Variants in C17orf67 observed in about 807,000 individuals in gnomAD.
The protein encoded by C17orf67 is uncharacterized protein C17orf67.
C17orf67 carries 12 observed loss-of-function variants against 11.2 expected under a neutral mutation model. That is an observed-to-expected ratio of 1.07 (90% CI 0.68 to 1.73). The LOEUF is 1.73. Among genes scored for constraint, C17orf67 ranks in the 40% most tolerant of loss-of-function variants. The pLI is 0.00. For missense variants in C17orf67, 115 were observed against 113.5 expected (o/e 1.01, Z -0.06); for synonymous variants, 59 against 46.9 (o/e 1.26, Z -1.05).
intron 6 of C17orf67, among the ~76,000 whole-genome samples, chr17:56,808,540 A>G (rs1905512618): frequency 1.3e-5 from 2 of 152,012 alleles, no homozygotes; most frequent in African/African-American, 4.8e-5. Context: ...TCCTTCATCT[A>G]GGTTCCCCGC....
chr17:56,806,114 A>G (rs1905444244), intron 6 of C17orf67, among the ~76,000 whole-genome samples: 1 of 151,136 alleles, frequency 6.6e-6, no homozygotes, highest in Non-Finnish European at 1.5e-5. Context: ...AGCTGGGACT[A>G]CAGGTACCCA....
chr17:56,833,614 C>T lies in C17orf67; in HGVS notation c.-1002+4G>A, dbSNP rs1438774152. On this transcript the variant is annotated splice_donor_region_variant and intron_variant, in intron 1 of 7. Coordinates refer to ENST00000397861, the MANE Select transcript of C17orf67 (RefSeq NM_001085430.4). ...GTTTGCGTTACTGCGGCCGCCACAC[C>T]TACCTCAGCCCGCCGCGGCCAGGTC... The T allele has an allele frequency of 6.6e-6, 1 of 151,570 alleles. No individual in the cohort carries two copies. The highest frequency in any genetic ancestry group is 2.4e-5 in the African/African-American group (1 of 41,366). 9.4% of individuals were successfully genotyped at this position (151,570 alleles called of 1,614,324 possible). A position where few individuals can be genotyped will look rare whatever the true frequency, so the allele number is the denominator to read the frequency against.
chr17:56,816,360 T>C (rs1905761618), intron 4 of C17orf67, among the ~76,000 whole-genome samples: 1 of 152,220 alleles, frequency 6.6e-6, no homozygotes, highest in South Asian at 2.1e-4. Flanking sequence ...GCTTCAATTT[T>C]TTCTAGCAAT....
At chr17:56,815,311 A>C (rs1905732369) in intron 5 of C17orf67, among the ~76,000 whole-genome samples, 2 of 152,200 alleles carry the variant, frequency 1.3e-5, no homozygotes, top group Non-Finnish European at 2.9e-5. Context: ...AATCCTCACT[A>C]CACTAAATCA....
At chr17:56,830,603 A>G (rs1228711391) in intron 2 of C17orf67, among the ~76,000 whole-genome samples, 1 of 152,186 alleles carries the variant, frequency 6.6e-6, no homozygotes. Flanking sequence ...CCTCTCAATT[A>G]GCCACCACGC....
At chr17:56,821,694 T>C (rs1261151938) in intron 4 of C17orf67, among the ~76,000 whole-genome samples, 2 of 152,250 alleles carry the variant, frequency 1.3e-5, no homozygotes. Flanking sequence ...TTTACAGGCA[T>C]ACTGTGCAGA....
At chr17:56,822,836 C>T (rs1905938032) in intron 4 of C17orf67, among the ~76,000 whole-genome samples, 2 of 152,240 alleles carry the variant, frequency 1.3e-5, no homozygotes, top group African/African-American at 4.8e-5. Context: ...GCATACACCC[C>T]TTCCTGTCTG....
At chr17:56,830,842 G>A (rs953870380) in intron 2 of C17orf67, among the ~76,000 whole-genome samples, 6 of 152,190 alleles carry the variant, frequency 3.9e-5, no homozygotes, top group African/African-American at 1.4e-4. Context: ...AATCTTGGTA[G>A]GGGTGGTCAG....
chr17:56,818,016 G>T (rs1905802071), intron 4 of C17orf67, among the ~76,000 whole-genome samples: 1 of 151,302 alleles, frequency 6.6e-6, no homozygotes, highest in Non-Finnish European at 1.5e-5. Context: ...GCTAATTTTT[G>T]TATATTTTTG....
At chr17:56,814,742 A>G (rs2144134528) in intron 6 of C17orf67, 127 bp downstream of exon 6, 1 of 868,914 alleles carries the variant, frequency 1.2e-6, no homozygotes, top group Non-Finnish European at 1.9e-6. Context: ...GATTGCAGCT[A>G]TCTTCTACCT....
At chr17:56,811,609 C>T (rs1018659137) in intron 6 of C17orf67, among the ~76,000 whole-genome samples, 4 of 152,120 alleles carry the variant, frequency 2.6e-5, no homozygotes, top group Non-Finnish European at 4.4e-5. Context: ...TTAGTGAGCC[C>T]AAATCAGGCT....
At chr17:56,802,519 T>C (rs149542156) in intron 6 of C17orf67, among the ~76,000 whole-genome samples, 1 of 152,318 alleles carries the variant, frequency 6.6e-6, no homozygotes, top group Non-Finnish European at 1.5e-5. Flanking sequence ...TTAACCCTGA[T>C]CTTTTATTAT....
chr17:56,797,621 A>G (rs1377018953), intron 6 of C17orf67, among the ~76,000 whole-genome samples: 1 of 152,022 alleles, frequency 6.6e-6, no homozygotes, highest in African/African-American at 2.4e-5. Flanking sequence ...CAGAGAAGGG[A>G]GCAGACAGCA....
intron 6 of C17orf67, among the ~76,000 whole-genome samples, chr17:56,798,053 G>T (rs1905245410): frequency 6.6e-6 from 1 of 152,064 alleles, no homozygotes; most frequent in Non-Finnish European, 1.5e-5. Flanking sequence ...ACTGAAGGTG[G>T]TTCATCATAT....
At chr17:56,801,424 C>T (rs542204416) in intron 6 of C17orf67, among the ~76,000 whole-genome samples, 2 of 152,272 alleles carry the variant, frequency 1.3e-5, no homozygotes, top group African/African-American at 4.8e-5. Context: ...GTTTTTAGAA[C>T]ACCCTCTAGG....
Sources: gnomAD v4.1 joint callset for allele counts (sites outside exome capture counted in the v4.1 genomes callset) on GRCh38, gnomAD v4.1.1 for gene constraint, MANE v1.5 for transcripts, NCBI Gene and HGNC (gene_info 2026-07-23, HGNC 2026-07-21) for gene names.